PKHD1: variants seen among roughly 807,000 people sequenced by gnomAD.
The protein encoded by PKHD1 is PKHD1 ciliary IPT domain containing fibrocystin/polyductin.
PKHD1 carries 291 observed loss-of-function variants against 412.0 expected under a neutral mutation model. The ratio of observed to expected loss-of-function variants is 0.71; its 90% CI spans 0.64 to 0.78. PKHD1 has a LOEUF of 0.78. Ranked by LOEUF, PKHD1 falls within the 30% of genes least tolerant of loss-of-function variation. PKHD1 has a pLI of 0.00. For synonymous variants in PKHD1, 1,777 were observed against 1,821.5 expected, an observed-to-expected ratio of 0.98 and a Z score of 0.62; for missense variants, 4,825 against 4,950.7, an observed-to-expected ratio of 0.97 and a Z score of 0.76.
chr6:51,653,082 T>C (rs531370252), intron 61 of PKHD1, among the ~76,000 whole-genome samples: 11 of 152,272 alleles, frequency 7.2e-5, no homozygotes, highest in African/African-American at 2.4e-4. Context: ...TATTTCTATA[T>C]AGTTAACAAG....
chr6:51,762,927 T>C (rs1582532323), intron 55 of PKHD1, among the ~76,000 whole-genome samples: 1 of 152,070 alleles, frequency 6.6e-6, no homozygotes, highest in Non-Finnish European at 1.5e-5. Context: ...TGTAAACTAC[T>C]ATTTTTGCAA....
intron 23 of PKHD1, among the ~76,000 whole-genome samples, chr6:52,046,588 T>C (rs1805878758): frequency 6.6e-6 from 1 of 152,212 alleles, no homozygotes; most frequent in Admixed American, 6.5e-5. Context: ...ATTGGCCACT[T>C]TTCACAGGGA....
chr6:51,935,386 AT>A (rs1561924256), intron 36 of PKHD1, among the ~76,000 whole-genome samples: 1 of 152,196 alleles, frequency 6.6e-6, no homozygotes, highest in Non-Finnish European at 1.5e-5. Flanking sequence ...TTTACGTAGA[AT>A]TTTCTCAATA....
intron 52 of PKHD1, among the ~76,000 whole-genome samples, chr6:51,829,344 C>A (rs959698096): frequency 2.0e-4 from 31 of 152,052 alleles, no homozygotes; most frequent in African/African-American, 7.5e-4. Context: ...GCAAAATGGC[C>A]AAGATTGCTC....
At chr6:51,939,604 T>C (rs1011166794) in intron 36 of PKHD1, among the ~76,000 whole-genome samples, 1 of 151,642 alleles carries the variant, frequency 6.6e-6, no homozygotes, top group African/African-American at 2.4e-5. Context: ...AAGATCTAGA[T>C]AATTCTTATC....
intron 55 of PKHD1, among the ~76,000 whole-genome samples, chr6:51,758,024 G>GAGAGAGAGAC (rs773984430): frequency 7.6e-6 from 1 of 130,970 alleles, no homozygotes; most frequent in African/African-American, 2.7e-5. Context: ...AAGAGAGAGA[G>GAGAGAGAGAC]AGAGAGAGAG....
At chr6:52,012,783 A>G (rs1178249190) in intron 34 of PKHD1, among the ~76,000 whole-genome samples, 2 of 152,200 alleles carry the variant, frequency 1.3e-5, no homozygotes, top group Non-Finnish European at 1.5e-5. Flanking sequence ...CTATGTTTAT[A>G]TCATAAGTCA....
intron 46 of PKHD1, among the ~76,000 whole-genome samples, chr6:51,871,064 TCTC>T (rs929932462): frequency 1.5e-4 from 23 of 152,144 alleles, no homozygotes; most frequent in African/African-American, 5.6e-4. Context: ...GTATTAAAAC[TCTC>T]CTGTTTCTAG....
At chr6:51,856,957 A>G (rs1773406702) in intron 48 of PKHD1, among the ~76,000 whole-genome samples, 1 of 152,238 alleles carries the variant, frequency 6.6e-6, no homozygotes, top group Admixed American at 6.5e-5. Flanking sequence ...ATAAAGTTCT[A>G]TATATAGAAC....
chr6:51,735,871 T>C (rs569142211), intron 60 of PKHD1, among the ~76,000 whole-genome samples: 2 of 152,144 alleles, frequency 1.3e-5, no homozygotes, highest in South Asian at 4.2e-4. Flanking sequence ...GAGTTGAAGG[T>C]TGTAGTGAGC....
At chr6:51,685,635 A>T (rs1419297754) in intron 60 of PKHD1, among the ~76,000 whole-genome samples, 4 of 152,112 alleles carry the variant, frequency 2.6e-5, no homozygotes, top group Non-Finnish European at 4.4e-5. Context: ...GTTGGCCTAT[A>T]GTTACATGAT....
intron 52 of PKHD1, among the ~76,000 whole-genome samples, chr6:51,808,437 TA>T (rs1374144321): frequency 6.6e-6 from 1 of 152,072 alleles, no homozygotes; most frequent in Non-Finnish European, 1.5e-5. Context: ...TAAAATCTTT[TA>T]AAAAATTGAA....
chr6:51,660,235 G>A (rs1772615373), intron 60 of PKHD1, among the ~76,000 whole-genome samples: 3 of 152,018 alleles, frequency 2.0e-5, no homozygotes. Context: ...AAAAGGAGTT[G>A]AAGAAGTAAA....
At chr6:52,015,111 C>G (rs1232470375) in intron 34 of PKHD1, among the ~76,000 whole-genome samples, 1 of 152,160 alleles carries the variant, frequency 6.6e-6, no homozygotes, top group Non-Finnish European at 1.5e-5. Context: ...TTGATATACT[C>G]TTTTGAGACC....
intron 61 of PKHD1, among the ~76,000 whole-genome samples, chr6:51,650,189 T>C (rs1770709713): frequency 1.3e-5 from 2 of 152,198 alleles, no homozygotes; most frequent in African/African-American, 4.8e-5. Context: ...TAGAAAATAG[T>C]TACATAATTC....
chr6:52,051,128 A>G (rs1011073897), intron 21 of PKHD1, among the ~76,000 whole-genome samples: 6 of 152,206 alleles, frequency 3.9e-5, no homozygotes, highest in South Asian at 2.1e-4. Context: ...TCAGCTGGGT[A>G]GATCAGTTCG....
chr6:51,689,827 G>A (rs1288166865), intron 60 of PKHD1, among the ~76,000 whole-genome samples: 1 of 152,086 alleles, frequency 6.6e-6, no homozygotes, highest in Non-Finnish European at 1.5e-5. Flanking sequence ...TAAAACAACT[G>A]CTCAAAGAAA....
rs116995892 is a variant in PKHD1 at position 52,059,888 on chromosome 6, C to G, written c.1233+40G>C. 7.9e-3 allele frequency: 7,597 copies of G among 964,648 alleles called. 289 individuals are homozygous for G. Among genetic ancestry groups the G allele is most frequent in the East Asian group, 0.024 (1,000 of 41,936 alleles). The allele number at this position is 964,648 out of a possible 1,614,324, so 59.8% of individuals were successfully genotyped here. A position where few individuals can be genotyped will look rare whatever the true frequency, so the allele number is the denominator to read the frequency against. On this transcript the variant is annotated intron_variant, in intron 15 of 66. Transcript: ENST00000371117. ...TCTTTCTTTCTTCATGGGTATGGGA[C>G]TGGCAACAGAGAAAAGGAAAATGAG...
chr6:51,787,773 C>T (rs1462930150), intron 53 of PKHD1, among the ~76,000 whole-genome samples: 1 of 152,140 alleles, frequency 6.6e-6, no homozygotes. Context: ...GTGTCACTTA[C>T]CTTCAAAGGT....
Sources: gnomAD v4.1 joint callset for allele counts (sites outside exome capture counted in the v4.1 genomes callset) on GRCh38, gnomAD v4.1.1 for gene constraint, MANE v1.5 for transcripts, NCBI Gene and HGNC (gene_info 2026-07-23, HGNC 2026-07-21) for gene names.